The following FIP1L1 variants were observed in gnomAD, a reference collection of about 807,000 sequenced individuals.
FIP1L1 encodes factor interacting with PAPOLA and CPSF1, also known as pre-mRNA 3'-end-processing factor FIP1.
Under a neutral mutation model 84.6 loss-of-function variants are expected in FIP1L1, and 21 were observed. That is an observed-to-expected ratio of 0.25 (90% CI 0.18 to 0.36). The LOEUF (loss-of-function observed/expected upper bound fraction) is 0.36. Among genes scored for constraint, FIP1L1 ranks in the 10% least tolerant of loss-of-function variants. FIP1L1 has a pLI of 1.00. For synonymous variants in FIP1L1, 263 were observed against 242.3 expected (o/e 1.09, Z -0.80); for missense variants, 526 against 751.1 (o/e 0.70, Z 3.50).
intron 10 of FIP1L1, among the ~76,000 whole-genome samples, chr4:53,400,436 ATAG>A (rs1023141164): frequency 1.5e-4 from 23 of 152,330 alleles, no homozygotes; most frequent in African/African-American, 5.5e-4. Flanking sequence ...CTGGTAAAGG[ATAG>A]TAGGCTAAGA....
intron 10 of FIP1L1, among the ~76,000 whole-genome samples, chr4:53,412,217 G>T (rs1457980827): frequency 2.0e-5 from 3 of 152,042 alleles, no homozygotes; most frequent in African/African-American, 7.2e-5. Flanking sequence ...TAGGCATCAT[G>T]CCCCTTTACC....
At position 53,414,741 on chromosome 4, in the gene FIP1L1, A is replaced by T; in HGVS notation, c.923+19A>T. The T allele has an allele frequency of 6.8e-7, 1 of 1,466,794 alleles. No individual in the cohort carries two copies. Among genetic ancestry groups the T allele is most frequent in the Non-Finnish European group, 9.5e-7 (1 of 1,047,632 alleles). The allele number at this position is 1,466,794 out of a possible 1,614,324, so 90.9% of individuals were successfully genotyped here. On this transcript the variant is annotated intron_variant, in intron 11 of 17. Transcript: ENST00000337488. Reference sequence around the variant, plus strand: ...ATCTAAGGTAAGGCTATTTTTAAACATTGGATACTCCCTGATGTTTAGATC... The same window carrying T: ...ATCTAAGGTAAGGCTATTTTTAAACTTTGGATACTCCCTGATGTTTAGATC...
intron 13 of FIP1L1, among the ~76,000 whole-genome samples, chr4:53,431,861 T>G (rs1766832705): frequency 6.6e-6 from 1 of 152,198 alleles, no homozygotes; most frequent in Non-Finnish European, 1.5e-5. Flanking sequence ...GGACTTTTAA[T>G]GTCAAATAGT....
At position 53,444,741 on chromosome 4, in the gene FIP1L1, C is replaced by T. The variant is rs567503727; in HGVS notation, c.1285+638C>T. On this transcript the variant is annotated intron_variant, in intron 15 of 17. Transcript: ENST00000337488. The stretch of plus-strand genomic sequence containing the variant: ...GGACTACAGGCGTGCATCACCATGC[C>T]GGGCTAATTTTGTAGAGATAGGGTC... Among the ~76,000 whole-genome samples, 7 of 151,938 alleles carry T rather than the reference C, an allele frequency of 4.6e-5. No homozygotes were observed. The East Asian group carries it at 1.4e-3, about 29-fold the overall frequency.
At chr4:53,384,797 A>G (rs1740041600) in intron 5 of FIP1L1, among the ~76,000 whole-genome samples, 1 of 152,238 alleles carries the variant, frequency 6.6e-6, no homozygotes, top group Non-Finnish European at 1.5e-5. Context: ...TTTGTTTTTC[A>G]AATTGGCTGT....
intron 9 of FIP1L1, among the ~76,000 whole-genome samples, chr4:53,396,669 G>T (rs1001183113): frequency 1.3e-5 from 2 of 152,156 alleles, no homozygotes; most frequent in Non-Finnish European, 2.9e-5. Flanking sequence ...CTCCCAAAGC[G>T]CTGGGATTAC....
chr4:53,395,194 G>C (rs929908215), intron 9 of FIP1L1, among the ~76,000 whole-genome samples: 3 of 152,162 alleles, frequency 2.0e-5, no homozygotes, highest in Non-Finnish European at 4.4e-5. Flanking sequence ...CAAACAAATG[G>C]ATAATCAAGT....
chr4:53,393,940 T>C (rs575329748), intron 9 of FIP1L1, among the ~76,000 whole-genome samples: 1 of 152,214 alleles, frequency 6.6e-6, no homozygotes, highest in East Asian at 1.9e-4. Context: ...TTTCTCTGCT[T>C]TCTTTTCTAT....
intron 13 of FIP1L1, among the ~76,000 whole-genome samples, chr4:53,438,017 G>A (rs542980586): frequency 7.4e-4 from 112 of 152,142 alleles, no homozygotes; most frequent in African/African-American, 2.2e-3. Context: ...GAGCCACCGC[G>A]CCCGGCCTAT....
intron 5 of FIP1L1, among the ~76,000 whole-genome samples, chr4:53,384,352 T>C (rs1739739016): frequency 6.6e-6 from 1 of 151,820 alleles, no homozygotes; most frequent in African/African-American, 2.4e-5. Flanking sequence ...GAGGTTGCGG[T>C]GAACCCAGAT....
intron 11 of FIP1L1, among the ~76,000 whole-genome samples, chr4:53,417,853 T>C (rs2149816657): frequency 6.6e-6 from 1 of 151,806 alleles, no homozygotes; most frequent in African/African-American, 2.4e-5. Context: ...ACACACACTG[T>C]CTCACTCTCA....
At chr4:53,406,612 G>A (rs1300967194) in intron 10 of FIP1L1, among the ~76,000 whole-genome samples, 1 of 152,162 alleles carries the variant, frequency 6.6e-6, no homozygotes, top group African/African-American at 2.4e-5. Flanking sequence ...ACCTCTGGTA[G>A]AATTCGGCTG....
At chr4:53,402,361 G>A (rs1750703860) in intron 10 of FIP1L1, among the ~76,000 whole-genome samples, 1 of 151,626 alleles carries the variant, frequency 6.6e-6, no homozygotes, top group Non-Finnish European at 1.5e-5. Context: ...ACAGTATCTG[G>A]AGGGAAATGT....
At position 53,453,080 on chromosome 4, in the gene FIP1L1, C is replaced by T; in HGVS notation, c.1446C>T (p.Thr482=). 14 of 1,537,406 alleles carry T rather than the reference C, an allele frequency of 9.1e-6. No individual in the cohort carries two copies. Among genetic ancestry groups the T allele is most frequent in the Non-Finnish European group, 1.2e-5 (14 of 1,121,618 alleles). ...ATCGGGACAGAGAAAGAGAACGCAC[C>T]AGAGAGAGAGAGAGGGAGCGTGATC... ...DRDRDRERER[T]RERERERDHS... is the part of the protein sequence containing the mutation. Residue 482 remains threonine (T), a synonymous_variant, in exon 16 of 18, where the codon ACC becomes ACT. Coordinates refer to ENST00000337488, the MANE Select transcript of FIP1L1 (RefSeq NM_030917.4).
chr4:53,404,714 T>G (rs1752275414), intron 10 of FIP1L1, among the ~76,000 whole-genome samples: 1 of 152,222 alleles, frequency 6.6e-6, no homozygotes, highest in Non-Finnish European at 1.5e-5. Flanking sequence ...CTAACTGGTG[T>G]GAGATGCTAT....
At chr4:53,403,755 T>C (rs1751526326) in intron 10 of FIP1L1, among the ~76,000 whole-genome samples, 1 of 152,184 alleles carries the variant, frequency 6.6e-6, no homozygotes. Context: ...GGAGGAGTAT[T>C]GGGCTCGTTC....
At chr4:53,410,286 A>G (rs1056173011) in intron 10 of FIP1L1, among the ~76,000 whole-genome samples, 7 of 152,036 alleles carry the variant, frequency 4.6e-5, no homozygotes, top group African/African-American at 1.4e-4. Context: ...GAGCTTTTTC[A>G]CCTTTCTGAT....
At position 53,406,141 on chromosome 4, in the gene FIP1L1, G is replaced by A. The variant is rs777624395; in HGVS notation, c.815+6302G>A. Among the ~76,000 whole-genome samples, 3 of 152,202 alleles carry A rather than the reference G, an allele frequency of 2.0e-5. No homozygotes were observed. The South Asian group carries it at 6.2e-4, about 32-fold the overall frequency. ...GCCCATTCAGTTTGATATTGGCTGT[G>A]GGTTTGTTATAGATAGCTCTTATTA... On this transcript the variant is annotated intron_variant, in intron 10 of 17. Transcript: ENST00000337488.
chr4:53,391,254 C>T, intron 8 of FIP1L1, 115 bp downstream of exon 8: 1 of 1,296,836 alleles, frequency 7.7e-7, no homozygotes, highest in Non-Finnish European at 1.1e-6. Context: ...TTTAAAAATT[C>T]CATTTTGTTT....
Sources: gnomAD v4.1 joint callset for allele counts (sites outside exome capture counted in the v4.1 genomes callset) on GRCh38, gnomAD v4.1.1 for gene constraint, MANE v1.5 for transcripts, NCBI Gene and HGNC (gene_info 2026-07-23, HGNC 2026-07-21) for gene names.